Variants in SPATS2L observed in about 807,000 individuals in gnomAD.
SPATS2L encodes the protein SPATS2-like protein.
A neutral mutation model predicts 59.6 loss-of-function variants in SPATS2L; 30 were observed. That is an observed-to-expected ratio of 0.50 (90% CI 0.38 to 0.68). The LOEUF is 0.68. Ranked by LOEUF, SPATS2L falls within the 30% of genes least tolerant of loss-of-function variation. The pLI, the probability that SPATS2L is intolerant of heterozygous loss-of-function variation, is 0.00. For missense variants in SPATS2L, 615 were observed against 700.0 expected (o/e 0.88, Z 1.37); for synonymous variants, 252 against 263.5 (o/e 0.96, Z 0.42).
In SPATS2L at chr2:200,334,508, T is replaced by C. The variant is rs547693700; in HGVS notation, c.-23+5028T>C. 2.9e-4 allele frequency among the ~76,000 whole-genome samples: 44 copies of C among 151,542 alleles called. No homozygotes were observed. In the South Asian group the frequency reaches 9.2e-3, roughly 32 times the overall value. ...TCTTTTGCTGTGCAGAAGAAGCTCT[T>C]TAGTTTAATTAGATCCCATTTGTCA... is the stretch of plus-strand genomic sequence containing the variant. On this transcript the variant is annotated intron_variant, in intron 2 of 12. Coordinates refer to ENST00000409140, the MANE Select transcript of SPATS2L (RefSeq NM_001100423.2).
At chr2:200,422,851 A>T (rs923229842) in intron 6 of SPATS2L, among the ~76,000 whole-genome samples, 3 of 152,144 alleles carry the variant, frequency 2.0e-5, no homozygotes, top group Non-Finnish European at 4.4e-5. Flanking sequence ...AATAAATAGA[A>T]CAATTATAGC....
At chr2:200,452,338 T>G (rs2085517467) in intron 8 of SPATS2L, among the ~76,000 whole-genome samples, 1 of 152,234 alleles carries the variant, frequency 6.6e-6, no homozygotes, top group Non-Finnish European at 1.5e-5. Flanking sequence ...TATGGGATTA[T>G]GCTATTCTGT....
chr2:200,438,465 A>G (rs896710743), intron 6 of SPATS2L, among the ~76,000 whole-genome samples: 2 of 152,370 alleles, frequency 1.3e-5, no homozygotes, highest in Middle Eastern at 3.4e-3. Context: ...CCTTTAAAAG[A>G]TGCCAAAAGC....
rs577862259 is a variant in SPATS2L at position 200,463,436 on chromosome 2, G to A, written c.847+3609G>A. On this transcript the variant is annotated intron_variant, in intron 9 of 12. Coordinates refer to ENST00000409140, the MANE Select transcript of SPATS2L (RefSeq NM_001100423.2). ...GTCAGTATCTGTAGACTGTGGGAAC[G>A]AATATTAGTGAACATTCCTGTAATT... 4 of 152,250 alleles carry A rather than the reference G, an allele frequency of 2.6e-5. No homozygotes were observed. In the South Asian group the frequency reaches 6.2e-4, roughly 24 times the overall value. The allele number at this position is 152,250 out of a possible 1,614,324, so 9.4% of individuals were successfully genotyped here.
At chr2:200,473,136 C>A in intron 12 of SPATS2L, 84 bp downstream of exon 12, 1 of 1,300,594 alleles carries the variant, frequency 7.7e-7, no homozygotes, top group Non-Finnish European at 1.0e-6. Flanking sequence ...CTACTAGATT[C>A]TGGGCCTCCT....
intron 2 of SPATS2L, among the ~76,000 whole-genome samples, chr2:200,338,591 A>G (rs2080219025): frequency 1.3e-5 from 2 of 152,220 alleles, no homozygotes; most frequent in Non-Finnish European, 1.5e-5. Context: ...ACCTCCCCAA[A>G]GGCTTAATTT....
chr2:200,337,743 T>C (rs898909150), intron 2 of SPATS2L, among the ~76,000 whole-genome samples: 2 of 152,196 alleles, frequency 1.3e-5, no homozygotes, highest in African/African-American at 4.8e-5. Flanking sequence ...TGCTTGCTCC[T>C]TGATGCACAA....
chr2:200,422,944 G>A (rs2083376440), intron 6 of SPATS2L, among the ~76,000 whole-genome samples: 1 of 152,154 alleles, frequency 6.6e-6, no homozygotes, highest in Non-Finnish European at 1.5e-5. Flanking sequence ...GATGTGAGAT[G>A]ATAAAATGCC....
Position 200,308,999 on chromosome 2 carries a change from G to A in SPATS2L, c.-73+2077G>A. 4.2e-6 allele frequency: 3 copies of A among 717,424 alleles called. No homozygotes were observed. The Admixed American group carries it at 6.0e-5, about 14-fold the overall frequency. 44.4% of individuals were successfully genotyped at this position (717,424 alleles called of 1,614,324 possible). ...CTTGAGAAGCTGCTCTGCCACACCAGTAAGGATCAGGGAAAGAAAATACTT... is the reference window on the plus strand; with the variant it reads ...CTTGAGAAGCTGCTCTGCCACACCAATAAGGATCAGGGAAAGAAAATACTT... On this transcript the variant is annotated intron_variant, in intron 1 of 12. Transcript: ENST00000409140.
chr2:200,367,694 G>C (rs986938810), intron 2 of SPATS2L, among the ~76,000 whole-genome samples: 11 of 86,792 alleles, frequency 1.3e-4, no homozygotes, highest in Admixed American at 1.2e-3. Context: ...TCCCAGTATT[G>C]AAAGTGAATT....
chr2:200,406,538 C>T (rs1354198487), intron 3 of SPATS2L, among the ~76,000 whole-genome samples: 2 of 152,136 alleles, frequency 1.3e-5, no homozygotes, highest in African/African-American at 4.8e-5. Context: ...TCTTCATCTG[C>T]ACTCCAGCTT....
chr2:200,461,482 G>A (rs2086237309), intron 9 of SPATS2L: 1 of 152,144 alleles, frequency 6.6e-6, no homozygotes, highest in East Asian at 1.9e-4. Flanking sequence ...AGATTACTTT[G>A]TCAGATTCAA....
At chr2:200,422,072 G>T (rs1254274862) in intron 6 of SPATS2L, among the ~76,000 whole-genome samples, 2 of 152,158 alleles carry the variant, frequency 1.3e-5, no homozygotes, top group African/African-American at 4.8e-5. Flanking sequence ...GGGTACAAGG[G>T]GGCTTTTGGA....
chr2:200,415,420 T>C (rs578027534), intron 4 of SPATS2L, among the ~76,000 whole-genome samples: 18 of 152,300 alleles, frequency 1.2e-4, no homozygotes, highest in African/African-American at 4.3e-4. Flanking sequence ...TAGAGAGCTA[T>C]TAGTATATTT....
At chr2:200,426,412 A>G (rs191855907) in intron 6 of SPATS2L, among the ~76,000 whole-genome samples, 29 of 152,314 alleles carry the variant, frequency 1.9e-4, no homozygotes, top group African/African-American at 6.0e-4. Context: ...GTTAAGTACT[A>G]TCATATGAGC....
At chr2:200,470,644 G>C (rs969249306) in intron 11 of SPATS2L, among the ~76,000 whole-genome samples, 3 of 152,096 alleles carry the variant, frequency 2.0e-5, no homozygotes. Flanking sequence ...CTTTAAGGAC[G>C]GCCACAAGGA....
chr2:200,312,586 T>C (rs1414647648), intron 1 of SPATS2L, among the ~76,000 whole-genome samples: 4 of 152,190 alleles, frequency 2.6e-5, no homozygotes, highest in African/African-American at 9.7e-5. Context: ...TTATATACAT[T>C]CTCTCCTTTA....
intron 3 of SPATS2L, among the ~76,000 whole-genome samples, chr2:200,403,406 A>G (rs1201017362): frequency 6.6e-6 from 1 of 152,224 alleles, no homozygotes; most frequent in Non-Finnish European, 1.5e-5. Flanking sequence ...TTAAAAAGCA[A>G]AGGGCTGGAC....
At chr2:200,338,189 T>TA (rs2080205128) in intron 2 of SPATS2L, among the ~76,000 whole-genome samples, 1 of 152,066 alleles carries the variant, frequency 6.6e-6, no homozygotes, top group East Asian at 1.9e-4. Context: ...CACTCCTGGC[T>TA]AATTTTTGTA....
Sources: gnomAD v4.1 joint callset for allele counts (sites outside exome capture counted in the v4.1 genomes callset) on GRCh38, gnomAD v4.1.1 for gene constraint, MANE v1.5 for transcripts, NCBI Gene and HGNC (gene_info 2026-07-23, HGNC 2026-07-21) for gene names.